Variants in ONECUT3 observed in about 807,000 individuals in gnomAD.
The protein encoded by ONECUT3 is one cut homeobox 3.
ONECUT3 carries 11 observed loss-of-function variants against 16.8 expected under a neutral mutation model. That is an observed-to-expected ratio of 0.66 (90% CI 0.41 to 1.09). The LOEUF (loss-of-function observed/expected upper bound fraction) is 1.09. ONECUT3 is among the 50% of genes least tolerant of loss of function. The pLI, the probability that ONECUT3 is intolerant of heterozygous loss-of-function variation, is 0.00. For missense variants in ONECUT3, 637 were observed against 629.9 expected, an observed-to-expected ratio of 1.01 and a Z score of -0.12; for synonymous variants, 344 against 310.7, an observed-to-expected ratio of 1.11 and a Z score of -1.13.
rs60843841 is a variant in ONECUT3, at chr19:1,778,866, TCACACACACACACA to T, written c.*3455_*3468del. The stretch of plus-strand genomic sequence containing the variant: ...TGGATCCTTTTCAGATATCTTCGTA[TCACACACACACACA>T]CACACACACACACACACACACACAC... On this transcript the variant is annotated 3_prime_UTR_variant, in exon 2 of 2. Transcript: ENST00000382349. 1,590 of 132,454 alleles carry T rather than the reference TCACACACACACACA, an allele frequency of 0.012. 23 individuals carry two copies. The highest frequency in any genetic ancestry group is 0.015 in the Non-Finnish European group (976 of 63,344). 8.2% of individuals were successfully genotyped at this position (132,454 alleles called of 1,614,324 possible). A position where few individuals can be genotyped will look rare whatever the true frequency, so the allele number is the denominator to read the frequency against.
In ONECUT3 at chr19:1,764,206, C is replaced by G. The variant is rs904084188; in HGVS notation, c.1192+9352C>G. On this transcript the variant is annotated intron_variant, in intron 1 of 1. Transcript: ENST00000382349. This position sits in a 1 kb window ranked among gnomAD's most constrained non-coding sequence, Gnocchi z 5.0. ...CTGGCTTTGCTCCTGTTTGAGGGTG[C>G]CTGAATGGGGTGGGTCTCTGTAGCT... Among the ~76,000 whole-genome samples, 3 of 152,110 alleles carry G rather than the reference C, an allele frequency of 2.0e-5. No individual in the cohort carries two copies.
chr19:1,770,031 G>A (rs913070119), intron 1 of ONECUT3, among the ~76,000 whole-genome samples: 7 of 152,146 alleles, frequency 4.6e-5, no homozygotes, highest in African/African-American at 1.7e-4. Flanking sequence ...GACTGGCTGG[G>A]CAAGCCTGAG....
chr19:1,753,991 C>A lies in ONECUT3; in HGVS notation c.329C>A (p.Pro110His). The A allele has an allele frequency of 2.0e-6, 2 of 994,810 alleles. No individual in the cohort carries two copies. Among genetic ancestry groups the A allele is most frequent in the South Asian group, 4.5e-5 (1 of 22,242 alleles). 61.6% of individuals were successfully genotyped at this position (994,810 alleles called of 1,614,324 possible). A position where few individuals can be genotyped will look rare whatever the true frequency, so the allele number is the denominator to read the frequency against. ...GGCGGCACCTACACGACGCTCACGC[C>A]CCTGCAGCACCTGCCGCCGCTCGCG... ...GLGGTYTTLT[P>H]LQHLPPLAAV... The change falls in exon 1 of 2, where the codon CCC (proline) becomes CAC (histidine). Residue 110 changes from proline to histidine, a missense_variant. Pro to His is a moderately conservative substitution (Grantham distance 77). This residue lies in a region of ONECUT3 where 419 missense variants were observed against 377.9 expected (regional missense o/e 1.11). Coordinates refer to ENST00000382349, the MANE Select transcript of ONECUT3 (RefSeq NM_001080488.2).
rs1436058301 is a variant in ONECUT3 at position 1,754,922 on chromosome 19, G to T, written c.1192+68G>T. On this transcript the variant is annotated intron_variant, in intron 1 of 1. Coordinates refer to ENST00000382349, the MANE Select transcript of ONECUT3 (RefSeq NM_001080488.2). The surrounding 1 kb of genome is among the most constrained non-coding windows in gnomAD (Gnocchi z 7.4). The stretch of plus-strand genomic sequence containing the variant: ...TCTGGACTCCCGAGCACCTAGCGGG[G>T]CGGCGGCCGATGCCCGGGGCCAGCG... The T allele has an allele frequency of 1.6e-6, 2 of 1,285,836 alleles. No homozygotes were observed. Among genetic ancestry groups the T allele is most frequent in the Non-Finnish European group, 2.0e-6 (2 of 1,014,824 alleles). 79.7% of individuals were successfully genotyped at this position (1,285,836 alleles called of 1,614,324 possible). A position where few individuals can be genotyped will look rare whatever the true frequency, so the allele number is the denominator to read the frequency against.
rs2067996375 is a variant in ONECUT3 at position 1,766,859 on chromosome 19, T to G, written c.1193-8294T>G. 6.6e-6 allele frequency among the ~76,000 whole-genome samples: 1 copy of G among 151,976 alleles called. No homozygotes were observed. Among genetic ancestry groups the G allele is most frequent in the African/African-American group, 2.4e-5 (1 of 41,392 alleles). On this transcript the variant is annotated intron_variant, in intron 1 of 1. Transcript: ENST00000382349. This position sits in a 1 kb window ranked among gnomAD's most constrained non-coding sequence, Gnocchi z 4.0. ...CGTGTAGGACAACCCAGGAACATGT[T>G]AGTCACTGCACACTCACTCAGCCAC...
intron 1 of ONECUT3, among the ~76,000 whole-genome samples, chr19:1,774,270 G>C (rs1161306870): frequency 6.6e-6 from 1 of 152,166 alleles, no homozygotes; most frequent in Middle Eastern, 3.4e-3. Flanking sequence ...GAGTGTCGCT[G>C]CTGCTCATTC....
chr19:1,777,409 CACATGCAA>C lies in ONECUT3; in HGVS notation c.*1966_*1973del, dbSNP rs2068119947. The C allele has an allele frequency of 6.6e-6, 1 of 151,412 alleles. No homozygotes were observed. Among genetic ancestry groups the C allele is most frequent in the South Asian group, 2.1e-4 (1 of 4,786 alleles). 9.4% of individuals were successfully genotyped at this position (151,412 alleles called of 1,614,324 possible). A position where few individuals can be genotyped will look rare whatever the true frequency, so the allele number is the denominator to read the frequency against. On this transcript the variant is annotated 3_prime_UTR_variant, in exon 2 of 2. Transcript: ENST00000382349. ...ATGCAGACACGCAGGCACACATGCA[CACATGCAA>C]AGACACGCATGCAGGCACACGCAGA...
At chr19:1,769,997 C>A (rs191889231) in intron 1 of ONECUT3, among the ~76,000 whole-genome samples, 1 of 152,134 alleles carries the variant, frequency 6.6e-6, no homozygotes, top group Non-Finnish European at 1.5e-5. Flanking sequence ...CCAGTGGACT[C>A]TGTTTTCTGG....
rs541877931 is a variant in ONECUT3 at position 1,768,988 on chromosome 19, G to A, written c.1193-6165G>A. Among the ~76,000 whole-genome samples, 234 of 147,734 alleles carry A rather than the reference G, an allele frequency of 1.6e-3. 1 individual carries two copies. The highest frequency in any genetic ancestry group is 2.9e-3 in the Non-Finnish European group (190 of 65,984). ...TGGAGGTAATGGAGGTGGAAGTGGA[G>A]GTGGAGGTGATGGTGGAGGTGGTGG... On this transcript the variant is annotated intron_variant, in intron 1 of 1. Coordinates refer to ENST00000382349, the MANE Select transcript of ONECUT3 (RefSeq NM_001080488.2).
intron 1 of ONECUT3, among the ~76,000 whole-genome samples, chr19:1,774,001 G>A (rs1283151510): frequency 6.6e-6 from 1 of 152,190 alleles, no homozygotes; most frequent in Non-Finnish European, 1.5e-5. Flanking sequence ...AGCCCTCTCC[G>A]TGATCTGTGC....
Position 1,775,126 on chromosome 19 carries a change from G to GGGCC in ONECUT3, c.1193-27_1193-26insGGCC. Reference sequence around the variant, plus strand: ...CACACGGTGGCGCTGTGTCCCGCTCGCCCGCCCGCCCGCCGCTCGCCCGCA... The same window carrying GGGCC: ...CACACGGTGGCGCTGTGTCCCGCTCGGGCCCCCGCCCGCCCGCCGCTCGCCCGCA... On this transcript the variant is annotated intron_variant, in intron 1 of 1. Transcript: ENST00000382349. The GGGCC allele has an allele frequency of 2.9e-4, 326 of 1,143,140 alleles. 1 individual carries two copies. Among genetic ancestry groups the GGGCC allele is most frequent in the Non-Finnish European group, 3.6e-4 (302 of 829,488 alleles). The allele number at this position is 1,143,140 out of a possible 1,614,324, so 70.8% of individuals were successfully genotyped here.
In ONECUT3 at chr19:1,759,774, G is replaced by C. The variant is rs1407160816; in HGVS notation, c.1192+4920G>C. On this transcript the variant is annotated intron_variant, in intron 1 of 1. Coordinates refer to ENST00000382349, the MANE Select transcript of ONECUT3 (RefSeq NM_001080488.2). The surrounding 1 kb of genome is among the most constrained non-coding windows in gnomAD (Gnocchi z 4.1). ...CAGAATGAAATGACGCCTAGGAGAG[G>C]GGGTATGAGGGGCTGGAGGGGCTCA... Among the ~76,000 whole-genome samples the C allele has an allele frequency of 2.6e-5, 4 of 152,180 alleles. No individual in the cohort carries two copies. The highest frequency in any genetic ancestry group is 1.3e-4 in the Admixed American group (2 of 15,284).
At position 1,766,194 on chromosome 19, in the gene ONECUT3, A is replaced by G. The variant is rs1364227493; in HGVS notation, c.1193-8959A>G. 2.7e-5 allele frequency among the ~76,000 whole-genome samples: 4 copies of G among 149,184 alleles called. No individual in the cohort carries two copies. The highest frequency in any genetic ancestry group is 4.4e-5 in the Non-Finnish European group (3 of 67,496). On this transcript the variant is annotated intron_variant, in intron 1 of 1. Coordinates refer to ENST00000382349, the MANE Select transcript of ONECUT3 (RefSeq NM_001080488.2). The surrounding 1 kb of genome is among the most constrained non-coding windows in gnomAD (Gnocchi z 4.0). ...CCGTGCAGGCGCCACCCACCCACCC[A>G]CAGCACCTCGCTCAGACTTCGCCCT...
At position 1,776,955 on chromosome 19, in the gene ONECUT3, C is replaced by T. The variant is rs939604064; in HGVS notation, c.*1510C>T. ...AGGATTTGTGCTGGATGACAGGATT[C>T]CCTGGCCTGGGACCCGGCTCGGGGC... On this transcript the variant is annotated 3_prime_UTR_variant, in exon 2 of 2. Coordinates refer to ENST00000382349, the MANE Select transcript of ONECUT3 (RefSeq NM_001080488.2). This position sits in a 1 kb window ranked among gnomAD's most constrained non-coding sequence, Gnocchi z 4.9. 1 of 152,254 alleles carries T rather than the reference C, an allele frequency of 6.6e-6. No individual in the cohort carries two copies. The highest frequency in any genetic ancestry group is 2.4e-5 in the African/African-American group (1 of 41,452). The allele number at this position is 152,254 out of a possible 1,614,324, so 9.4% of individuals were successfully genotyped here.
rs1444509032 is a variant in ONECUT3 at position 1,753,827 on chromosome 19, C to A, written c.165C>A (p.Asp55Glu). 1.1e-6 allele frequency: 1 copy of A among 883,004 alleles called. No individual in the cohort carries two copies. The highest frequency in any genetic ancestry group is 1.4e-6 in the Non-Finnish European group (1 of 740,200). The allele number at this position is 883,004 out of a possible 1,614,324, so 54.7% of individuals were successfully genotyped here. Residue 55 changes from aspartate (D) to glutamate (E), a missense_variant, in exon 1 of 2, where the codon GAC becomes GAA. Physicochemically the swap from Asp to Glu is conservative, Grantham distance 45. Around this residue, in one of 3 missense-constraint regions of ONECUT3, gnomAD observed 419 missense variants for 377.9 expected, o/e 1.11. Coordinates refer to ENST00000382349, the MANE Select transcript of ONECUT3 (RefSeq NM_001080488.2). ...GLVAGMASLL[D>E]GGGGGGGGGA... ...TGGCCGGCATGGCGAGCCTGCTGGA[C>A]GGCGGCGGCGGCGGCGGCGGTGGGG...
rs79565776 is a variant in ONECUT3 at position 1,775,140 on chromosome 19, C to CCGCCG, written c.1193-13_1193-12insCGCCG. 2.6e-4 allele frequency: 365 copies of CCGCCG among 1,379,092 alleles called. 3 individuals carry two copies. The African/African-American group carries it at 5.0e-3, about 19-fold the overall frequency. 85.4% of individuals were successfully genotyped at this position (1,379,092 alleles called of 1,614,324 possible). A position where few individuals can be genotyped will look rare whatever the true frequency, so the allele number is the denominator to read the frequency against. On this transcript the variant is annotated splice_polypyrimidine_tract_variant and intron_variant, in intron 1 of 1. Coordinates refer to ENST00000382349, the MANE Select transcript of ONECUT3 (RefSeq NM_001080488.2). ...GTGTCCCGCTCGCCCGCCCGCCCGCCGCTCGCCCGCAGCCTGCAAGCGCAA... is the reference window on the plus strand; with the variant it reads ...GTGTCCCGCTCGCCCGCCCGCCCGCCCGCCGGCTCGCCCGCAGCCTGCAAGCGCAA...
At position 1,766,524 on chromosome 19, in the gene ONECUT3, G is replaced by A. The variant is rs567399426; in HGVS notation, c.1193-8629G>A. On this transcript the variant is annotated intron_variant, in intron 1 of 1. Transcript: ENST00000382349. The surrounding 1 kb of genome is among the most constrained non-coding windows in gnomAD (Gnocchi z 4.0). Reference sequence around the variant, plus strand: ...AAGAGGGGAGGGAGGTAAAGAGAGGGAGGGAAGGAAAGGGAGGAAAAGAAA... The same window carrying A: ...AAGAGGGGAGGGAGGTAAAGAGAGGAAGGGAAGGAAAGGGAGGAAAAGAAA... Among the ~76,000 whole-genome samples, 31 of 151,688 alleles carry A rather than the reference G, an allele frequency of 2.0e-4. No individual in the cohort carries two copies. Among genetic ancestry groups the A allele is most frequent in the Admixed American group, 1.2e-3 (19 of 15,234 alleles).
In ONECUT3 at chr19:1,779,097, C is replaced by A. The variant is rs967719920; in HGVS notation, c.*3652C>A. 1 of 152,068 alleles carries A rather than the reference C, an allele frequency of 6.6e-6. No homozygotes were observed. The highest frequency in any genetic ancestry group is 6.5e-5 in the Admixed American group (1 of 15,270). The allele number at this position is 152,068 out of a possible 1,614,324, so 9.4% of individuals were successfully genotyped here. On this transcript the variant is annotated 3_prime_UTR_variant, in exon 2 of 2. Transcript: ENST00000382349. ...ACACCTCCAGCACAATTCCTTCGAG[C>A]CTTTGACAATTTTCTCTGAAATACC... is the stretch of plus-strand genomic sequence containing the variant.
rs75960976 is a variant in ONECUT3, at chr19:1,759,179, G to A, written c.1192+4325G>A. Among the ~76,000 whole-genome samples, 3 of 152,210 alleles carry A rather than the reference G, an allele frequency of 2.0e-5. No individual in the cohort carries two copies. The highest frequency in any genetic ancestry group is 4.4e-5 in the Non-Finnish European group (3 of 68,030). On this transcript the variant is annotated intron_variant, in intron 1 of 1. Transcript: ENST00000382349. This position sits in a 1 kb window ranked among gnomAD's most constrained non-coding sequence, Gnocchi z 4.1. Reference sequence around the variant, plus strand: ...CTGTGTATGGAGTTGCATGCTGAGGGCAGCTGGTGCAGGAATTGGGCACCT... The same window carrying A: ...CTGTGTATGGAGTTGCATGCTGAGGACAGCTGGTGCAGGAATTGGGCACCT...
Sources: gnomAD v4.1 joint callset for allele counts (sites outside exome capture counted in the v4.1 genomes callset) on GRCh38, gnomAD v4.1.1 for gene constraint, gnomAD v4.1.1 regional missense constraint, Gnocchi (gnomAD v3.1) non-coding constraint, MANE v1.5 for transcripts, NCBI Gene and HGNC (gene_info 2026-07-23, HGNC 2026-07-21) for gene names.